ZC3H18: variants seen among roughly 807,000 people sequenced by gnomAD.
The protein encoded by ZC3H18 is zinc finger CCCH domain-containing protein 18.
In ZC3H18, 8 loss-of-function variants were observed where a neutral mutation model predicts 106.1. The observed-to-expected ratio is 0.08, with a 90% CI of 0.04 to 0.14. The LOEUF is 0.14. Among genes scored for constraint, ZC3H18 ranks in the 10% least tolerant of loss-of-function variants. The probability of loss-of-function intolerance (pLI) is 1.00; values close to 1 mark genes in which losing one functional copy is unlikely to be tolerated. For synonymous variants in ZC3H18, 635 were observed against 522.1 expected (o/e 1.22, Z -2.95); for missense variants, 1,318 against 1,278.4 (o/e 1.03, Z -0.47).
chr16:88,590,999 C>G (rs1274398283), intron 3 of ZC3H18, among the ~76,000 whole-genome samples: 4 of 137,514 alleles, frequency 2.9e-5, no homozygotes, highest in Non-Finnish European at 6.1e-5. Context: ...GAGATGGAGT[C>G]TTGCTCTGTC....
intron 5 of ZC3H18, among the ~76,000 whole-genome samples, chr16:88,599,212 C>T (rs1360252430): frequency 1.3e-5 from 2 of 152,188 alleles, no homozygotes; most frequent in African/African-American, 2.4e-5. Flanking sequence ...CCGAGCCGCA[C>T]CCCCAGGATC....
intron 12 of ZC3H18, 26 bp from the exon 13 acceptor site, chr16:88,625,176 G>C (rs773543879): frequency 3.2e-6 from 5 of 1,562,236 alleles, no homozygotes. Flanking sequence ...CACGCCCCCT[G>C]AGCCCCGCTG....
At chr16:88,577,887 A>G (rs1914864246) in intron 2 of ZC3H18, among the ~76,000 whole-genome samples, 161 bp downstream of exon 2, 1 of 152,176 alleles carries the variant, frequency 6.6e-6, no homozygotes, top group Non-Finnish European at 1.5e-5. Context: ...TCCCATAGTG[A>G]TTGGAGAGAA....
intron 15 of ZC3H18, 140 bp downstream of exon 15, chr16:88,628,259 C>G (rs931429439): frequency 3.1e-6 from 3 of 971,508 alleles, no homozygotes; most frequent in African/African-American, 3.3e-5. Context: ...GCCTGGGTAA[C>G]AAAGCGAGAC....
chr16:88,602,144 T>C (rs1904781565), intron 6 of ZC3H18, among the ~76,000 whole-genome samples: 1 of 152,164 alleles, frequency 6.6e-6, no homozygotes, highest in South Asian at 2.1e-4. Context: ...TTCTCGGTCC[T>C]ACCTGTGCCC....
chr16:88,609,806 G>C (rs1905189138), intron 7 of ZC3H18, among the ~76,000 whole-genome samples: 1 of 152,028 alleles, frequency 6.6e-6, no homozygotes, highest in Non-Finnish European at 1.5e-5. Context: ...TTGCCGTGTT[G>C]GTCAGGCTGG....
At chr16:88,594,629 T>C (rs1597333973) in intron 3 of ZC3H18, among the ~76,000 whole-genome samples, 1 of 152,216 alleles carries the variant, frequency 6.6e-6, no homozygotes, top group East Asian at 1.9e-4. Context: ...GCACAGAGCA[T>C]AATATATATG....
chr16:88,585,945 G>A (rs1915407462), intron 2 of ZC3H18, among the ~76,000 whole-genome samples: 1 of 152,118 alleles, frequency 6.6e-6, no homozygotes, highest in Non-Finnish European at 1.5e-5. Flanking sequence ...GGCTGGGGTG[G>A]TGTAAGGAGG....
chr16:88,577,766 C>G (rs200951401), intron 2 of ZC3H18, 40 bp downstream of exon 2: 65 of 1,611,814 alleles, frequency 4.0e-5, no homozygotes, highest in Non-Finnish European at 5.5e-5. Flanking sequence ...GCATCCTGCC[C>G]AGCAGCCTGA....
At chr16:88,611,210 G>T in intron 7 of ZC3H18, 58 bp from the exon 8 acceptor site, 1 of 715,912 alleles carries the variant, frequency 1.4e-6, no homozygotes, top group Non-Finnish European at 2.6e-6. Context: ...AAGGCTTTCA[G>T]TGCCTCTGTC....
intron 6 of ZC3H18, 94 bp downstream of exon 6, chr16:88,600,042 G>T: frequency 6.8e-7 from 1 of 1,467,720 alleles, no homozygotes; most frequent in South Asian, 1.3e-5. Context: ...GGGTGCGCTC[G>T]GCTGAGACCC....
At chr16:88,608,857 G>C (rs1567590916) in intron 6 of ZC3H18, 77 bp from the exon 7 acceptor site, 2 of 1,234,142 alleles carry the variant, frequency 1.6e-6, no homozygotes. Flanking sequence ...GTTACTTTCT[G>C]TCCCTAATGT....
intron 11 of ZC3H18, 39 bp from the exon 12 acceptor site, chr16:88,624,563 C>T (rs772639999): frequency 6.2e-7 from 1 of 1,613,346 alleles, no homozygotes; most frequent in Admixed American, 1.7e-5. Flanking sequence ...GGGGCCCCGT[C>T]CACCAGCCCT....
Position 88,577,338 on chromosome 16 carries a change from G to A in ZC3H18, c.215G>A (p.Arg72Gln). The stretch of plus-strand genomic sequence containing the variant: ...GATAATCACTCCGACGAGGAGGACC[G>A]GGCAAGTGAGCCTAAATCCCAAGAC... ...EEDNHSDEEDRASEPKSQDQD... is the reference protein window; with the variant it reads ...EEDNHSDEEDQASEPKSQDQD... The change falls in exon 2 of 18, where the codon CGG becomes CAG. Residue 72 changes from arginine (R) to glutamine (Q), a missense_variant. Arg to Gln is a conservative substitution (Grantham distance 43). Transcript: ENST00000301011. 2.5e-6 allele frequency: 4 copies of A among 1,605,296 alleles called. No individual in the cohort carries two copies. The highest frequency in any genetic ancestry group is 1.1e-5 in the South Asian group (1 of 89,918).
chr16:88,621,511 C>T (rs374472395), intron 8 of ZC3H18, among the ~76,000 whole-genome samples: 91 of 151,876 alleles, frequency 6.0e-4, no homozygotes, highest in Middle Eastern at 3.4e-3. Flanking sequence ...GGTGAGCCAC[C>T]GCAGCCGGCC....
At position 88,627,741 on chromosome 16, in the gene ZC3H18, G is replaced by C; in HGVS notation, c.2228G>C (p.Ser743Thr). Residue 743 changes from serine (S) to threonine (T), a missense_variant, in exon 14 of 18, where the codon AGC becomes ACC. Physicochemically the swap from Ser to Thr is moderately conservative, Grantham distance 58. Around this residue, in one of 6 missense-constraint regions of ZC3H18, gnomAD observed 848 missense variants for 821.7 expected, o/e 1.03. Transcript: ENST00000301011. This position sits in a 1 kb window ranked among gnomAD's most constrained non-coding sequence, Gnocchi z 4.5. ...CTGGCTAGCCCCGTGTCCTCAGCCA[G>C]CTCTCGGTCCCCGGCCCCAGCCCAG... ...ADLASPVSSA[S>T]SRSPAPAQTR... is the part of the protein sequence containing the mutation. The C allele has an allele frequency of 6.2e-7, 1 of 1,613,082 alleles. No individual in the cohort carries two copies. The highest frequency in any genetic ancestry group is 1.1e-5 in the South Asian group (1 of 91,078).
chr16:88,628,159 AG>A lies in ZC3H18; in HGVS notation c.2469+42del, dbSNP rs1906433350. 1.9e-6 allele frequency: 3 copies of A among 1,601,072 alleles called. 1 individual carries two copies. The East Asian group carries it at 6.7e-5, about 36-fold the overall frequency. ...CCTCCTGGTGGCTGCCCCAGCGTCT[AG>A]GCCTGGGTCCATCTGCTTCCTGAGA... On this transcript the variant is annotated intron_variant, in intron 15 of 17. Transcript: ENST00000301011.
chr16:88,614,666 T>C (rs1905469979), intron 8 of ZC3H18, among the ~76,000 whole-genome samples: 1 of 152,252 alleles, frequency 6.6e-6, no homozygotes. Flanking sequence ...TTTAATCCTT[T>C]TATGTTACAG....
intron 3 of ZC3H18, among the ~76,000 whole-genome samples, chr16:88,594,642 C>T (rs934791829): frequency 1.3e-5 from 2 of 152,056 alleles, no homozygotes; most frequent in African/African-American, 4.8e-5. Flanking sequence ...TATATATGCT[C>T]AGGTAAAAGG....
Sources: allele counts gnomAD v4.1 joint callset (sites outside exome capture counted in the v4.1 genomes callset), GRCh38; gene constraint gnomAD v4.1.1; regional missense constraint gnomAD v4.1.1; non-coding constraint Gnocchi (gnomAD v3.1); transcripts MANE v1.5; gene names NCBI Gene and HGNC (gene_info 2026-07-23, HGNC 2026-07-21).